The following ZNF865 variants were observed in gnomAD, a reference collection of about 807,000 sequenced individuals.
The protein encoded by ZNF865 is zinc finger protein 865.
For synonymous variants in ZNF865, 763 were observed against 750.8 expected, an observed-to-expected ratio of 1.02 and a Z score of -0.27; for missense variants, 1,311 against 1,593.4, an observed-to-expected ratio of 0.82 and a Z score of 3.02.
In ZNF865 at chr19:55,613,714, C is replaced by G; in HGVS notation, c.96C>G (p.Asp32Glu). 1 of 1,534,716 alleles carries G rather than the reference C, an allele frequency of 6.5e-7. No homozygotes were observed. Among genetic ancestry groups the G allele is most frequent in the Non-Finnish European group, 8.7e-7 (1 of 1,146,262 alleles). ...DGVHFQSYPFDFLEFLNHQRF... is the reference protein window; with the variant it reads ...DGVHFQSYPFEFLEFLNHQRF... Reference sequence around the variant, plus strand: ...TGCACTTCCAGAGCTACCCCTTCGACTTCCTGGAATTCCTCAACCACCAGC... The same window carrying G: ...TGCACTTCCAGAGCTACCCCTTCGAGTTCCTGGAATTCCTCAACCACCAGC... Residue 32 changes from aspartate (D) to glutamate (E), a missense_variant, in exon 2 of 2, where the codon GAC (aspartate) becomes GAG (glutamate). Asp to Glu is a conservative substitution (Grantham distance 45). Coordinates refer to ENST00000568956, the MANE Select transcript of ZNF865 (RefSeq NM_001195605.2).
At position 55,615,007 on chromosome 19, in the gene ZNF865, C is replaced by A; in HGVS notation, c.1389C>A (p.His463Gln). Residue 463 changes from histidine (H) to glutamine (Q), a missense_variant, in exon 2 of 2, where the codon CAC (histidine) becomes CAA (glutamine). Transcript: ENST00000568956. Reference sequence around the variant, plus strand: ...GCCTGCTCCGCCACAAGGCCGCCCACGCCCCGCCCGCTGCCGCTGCGGAGG... The same window carrying A: ...GCCTGCTCCGCCACAAGGCCGCCCAAGCCCCGCCCGCTGCCGCTGCGGAGG... Reference protein sequence around the residue: ...PQSLLRHKAAHAPPAAAAEAP... With the variant: ...PQSLLRHKAAQAPPAAAAEAP... 7.3e-7 allele frequency: 1 copy of A among 1,363,186 alleles called. No individual in the cohort carries two copies. Among genetic ancestry groups the A allele is most frequent in the Non-Finnish European group, 9.4e-7 (1 of 1,063,930 alleles). 84.4% of individuals were successfully genotyped at this position (1,363,186 alleles called of 1,614,324 possible). A position where few individuals can be genotyped will look rare whatever the true frequency, so the allele number is the denominator to read the frequency against.
At chr19:55,605,924 C>T (rs977427642) in intron 1 of ZNF865, among the ~76,000 whole-genome samples, 192 bp downstream of exon 1, 3 of 152,132 alleles carry the variant, frequency 2.0e-5, no homozygotes, top group African/African-American at 7.2e-5. Flanking sequence ...CCATGAACGC[C>T]CCCAGCTAGG....
At position 55,615,598 on chromosome 19, in the gene ZNF865, T is replaced by A. The variant is rs1348846558; in HGVS notation, c.1980T>A (p.Ser660=). 2 of 1,532,922 alleles carry A rather than the reference T, an allele frequency of 1.3e-6. No homozygotes were observed. Among genetic ancestry groups the A allele is most frequent in the Non-Finnish European group, 1.7e-6 (2 of 1,145,720 alleles). 95.0% of individuals were successfully genotyped at this position (1,532,922 alleles called of 1,614,324 possible). A position where few individuals can be genotyped will look rare whatever the true frequency, so the allele number is the denominator to read the frequency against. ...GACGPGASGT[S]AGPTDGLSYA... is the part of the protein sequence containing the mutation. ...GTGGGCCCGGGGCCTCGGGCACGTC[T>A]GCAGGGCCCACCGATGGGCTGAGCT... The change falls in exon 2 of 2, where the codon TCT becomes TCA. Residue 660 remains serine, a synonymous_variant. Coordinates refer to ENST00000568956, the MANE Select transcript of ZNF865 (RefSeq NM_001195605.2).
At position 55,613,947 on chromosome 19, in the gene ZNF865, C is replaced by T. The variant is rs1245105375; in HGVS notation, c.329C>T (p.Ser110Leu). 1.3e-6 allele frequency: 2 copies of T among 1,533,004 alleles called. No homozygotes were observed. Among genetic ancestry groups the T allele is most frequent in the Non-Finnish European group, 1.7e-6 (2 of 1,145,290 alleles). 95.0% of individuals were successfully genotyped at this position (1,533,004 alleles called of 1,614,324 possible). Reference sequence around the variant, plus strand: ...TCCTCCTCTTCGTCCTCCTCGTCGTCATCTTCGTCCTCTTCCTCTTCCCAA... The same window carrying T: ...TCCTCCTCTTCGTCCTCCTCGTCGTTATCTTCGTCCTCTTCCTCTTCCCAA... Reference protein sequence around the residue: ...SSSSSSSSSSSSSSSSSSQAK... With the variant: ...SSSSSSSSSSLSSSSSSSQAK... Residue 110 changes from serine to leucine, a missense_variant, in exon 2 of 2, where the codon TCA becomes TTA. By Grantham distance (145) the Ser-to-Leu change is moderately radical. Transcript: ENST00000568956.
Position 55,615,100 on chromosome 19 carries a change from GC to G in ZNF865, c.1488del (p.Asp497ThrfsTer69), listed in dbSNP as rs1292571740. The G allele has an allele frequency of 1.7e-6, 2 of 1,155,264 alleles. No individual in the cohort carries two copies. The highest frequency in any genetic ancestry group is 3.1e-5 in the South Asian group (1 of 32,744). The allele number at this position is 1,155,264 out of a possible 1,614,324, so 71.6% of individuals were successfully genotyped here. A position where few individuals can be genotyped will look rare whatever the true frequency, so the allele number is the denominator to read the frequency against. On this transcript the variant is annotated frameshift_variant, in exon 2 of 2. Coordinates refer to ENST00000568956, the MANE Select transcript of ZNF865 (RefSeq NM_001195605.2). LOFTEE classifies it low-confidence loss of function (END_TRUNC). ...CCTTCCCCCCGGGCCCGTACCTCCT[GC>G]CCCCCGACCCTCCCACCACAGACAG... ...PTFPPGPYLL[P>X]PDPPTTDSEK...
intron 1 of ZNF865, among the ~76,000 whole-genome samples, chr19:55,606,676 A>G (rs1980955865): frequency 6.6e-6 from 1 of 152,188 alleles, no homozygotes; most frequent in South Asian, 2.1e-4. Context: ...AAGACCCTGG[A>G]CTTCACTAGG....
rs1486989137 is a variant in ZNF865, at chr19:55,613,625, G to A, written c.7G>A (p.Ala3Thr). The change falls in exon 2 of 2, where the codon GCG becomes ACG. Residue 3 changes from alanine (A) to threonine (T), a missense_variant. Ala to Thr is a moderately conservative substitution (Grantham distance 58, BLOSUM62 0). Coordinates refer to ENST00000568956, the MANE Select transcript of ZNF865 (RefSeq NM_001195605.2). ME[A>T]NPAGSGAGGG... ...CGTCTCCCACCCGCCGGAGATGGAGGCGAACCCAGCGGGCAGCGGCGCCGG... is the reference window on the plus strand; with the variant it reads ...CGTCTCCCACCCGCCGGAGATGGAGACGAACCCAGCGGGCAGCGGCGCCGG... 1 of 1,517,676 alleles carries A rather than the reference G, an allele frequency of 6.6e-7. No individual in the cohort carries two copies. The highest frequency in any genetic ancestry group is 8.8e-7 in the Non-Finnish European group (1 of 1,137,606). The allele number at this position is 1,517,676 out of a possible 1,614,324, so 94.0% of individuals were successfully genotyped here.
intron 1 of ZNF865, among the ~76,000 whole-genome samples, chr19:55,605,968 C>A (rs954797834): frequency 1.3e-5 from 2 of 152,112 alleles, no homozygotes; most frequent in Non-Finnish European, 2.9e-5. Context: ...CGTGGCGATC[C>A]CCTAAACGGC....
Position 55,615,298 on chromosome 19 carries a change from G to A in ZNF865, c.1680G>A (p.Gly560=). 1 of 1,527,100 alleles carries A rather than the reference G, an allele frequency of 6.5e-7. No homozygotes were observed. The highest frequency in any genetic ancestry group is 2.5e-5 in the East Asian group (1 of 39,986). The allele number at this position is 1,527,100 out of a possible 1,614,324, so 94.6% of individuals were successfully genotyped here. A position where few individuals can be genotyped will look rare whatever the true frequency, so the allele number is the denominator to read the frequency against. The change falls in exon 2 of 2, where the codon GGG becomes GGA. Residue 560 remains glycine (G), a synonymous_variant. Transcript: ENST00000568956. ...FCCGICGRGF[G]RRETLKRHER... ...GCGGCATCTGCGGGCGCGGCTTCGG[G>A]CGCCGCGAGACCCTGAAGCGCCATG... is the stretch of plus-strand genomic sequence containing the variant.
At position 55,616,289 on chromosome 19, in the gene ZNF865, C is replaced by T; in HGVS notation, c.2671C>T (p.Leu891=). 1.3e-6 allele frequency: 2 copies of T among 1,519,186 alleles called. No homozygotes were observed. Among genetic ancestry groups the T allele is most frequent in the Non-Finnish European group, 1.8e-6 (2 of 1,137,816 alleles). The allele number at this position is 1,519,186 out of a possible 1,614,324, so 94.1% of individuals were successfully genotyped here. ...CGRGFLRSWY[L]RQHRVVHTGE... Reference sequence around the variant, plus strand: ...CCGAGGCTTCCTGCGCTCCTGGTACCTGCGGCAGCACCGCGTGGTGCACAC... The same window carrying T: ...CCGAGGCTTCCTGCGCTCCTGGTACTTGCGGCAGCACCGCGTGGTGCACAC... Residue 891 remains leucine, a synonymous_variant, in exon 2 of 2, where the codon CTG becomes TTG. Coordinates refer to ENST00000568956, the MANE Select transcript of ZNF865 (RefSeq NM_001195605.2).
At position 55,615,608 on chromosome 19, in the gene ZNF865, A is replaced by G. The variant is rs1459520179; in HGVS notation, c.1990A>G (p.Thr664Ala). 6.5e-7 allele frequency: 1 copy of G among 1,533,350 alleles called. No individual in the cohort carries two copies. The highest frequency in any genetic ancestry group is 1.7e-4 in the Middle Eastern group (1 of 5,976). The allele number at this position is 1,533,350 out of a possible 1,614,324, so 95.0% of individuals were successfully genotyped here. A position where few individuals can be genotyped will look rare whatever the true frequency, so the allele number is the denominator to read the frequency against. Residue 664 changes from threonine (T) to alanine (A), a missense_variant, in exon 2 of 2, where the codon ACC becomes GCC. Physicochemically the swap from Thr to Ala is moderately conservative, Grantham distance 58. Transcript: ENST00000568956. Reference protein sequence around the residue: ...PGASGTSAGPTDGLSYACSDC... With the variant: ...PGASGTSAGPADGLSYACSDC... ...GGCCTCGGGCACGTCTGCAGGGCCC[A>G]CCGATGGGCTGAGCTACGCCTGCTC...
intron 1 of ZNF865, among the ~76,000 whole-genome samples, chr19:55,606,509 C>G (rs1188250054): frequency 6.6e-6 from 1 of 152,240 alleles, no homozygotes; most frequent in Non-Finnish European, 1.5e-5. Flanking sequence ...GTCAGCCCGT[C>G]TTCATTACTT....
chr19:55,612,385 A>G (rs994676924), intron 1 of ZNF865: 4 of 152,178 alleles, frequency 2.6e-5, no homozygotes, highest in South Asian at 2.1e-4. Context: ...TCTACTGTCT[A>G]TTAATATTAA....
In ZNF865 at chr19:55,614,140, G is replaced by A. The variant is rs1294782305; in HGVS notation, c.522G>A (p.Thr174=). Residue 174 remains threonine, a synonymous_variant, in exon 2 of 2, where the codon ACG becomes ACA. Transcript: ENST00000568956. The surrounding 1 kb of genome is among the most constrained non-coding windows in gnomAD (Gnocchi z 8.0). ...GGCCCGCGTCCGGGCCGGGGGTGAC[G>A]CCTGGGCTGGGCGCTCCCGCGGGGG... ...RGGPASGPGV[T]PGLGAPAGAP... is the part of the protein sequence containing the mutation. 8.3e-6 allele frequency: 12 copies of A among 1,438,440 alleles called. No individual in the cohort carries two copies. In the East Asian group the frequency reaches 2.9e-4, roughly 35 times the overall value. The allele number at this position is 1,438,440 out of a possible 1,614,324, so 89.1% of individuals were successfully genotyped here. A position where few individuals can be genotyped will look rare whatever the true frequency, so the allele number is the denominator to read the frequency against.
Position 55,613,894 on chromosome 19 carries a change from CTCCTCG to C in ZNF865, c.294_299del (p.Ser116_Ser117del), listed in dbSNP as rs762894169. ...CCTTCAAGCCCAAGGCGGAGGTGCC[CTCCTCG>C]TCCTCGTCCTCGTCCTCCTCCTCCT... On this transcript the variant is annotated inframe_deletion, in exon 2 of 2. Transcript: ENST00000568956. The C allele has an allele frequency of 1.4e-3, 2,064 of 1,515,172 alleles. 4 individuals carry two copies. Among genetic ancestry groups the C allele is most frequent in the East Asian group, 2.3e-3 (91 of 40,394 alleles). 93.9% of individuals were successfully genotyped at this position (1,515,172 alleles called of 1,614,324 possible). A position where few individuals can be genotyped will look rare whatever the true frequency, so the allele number is the denominator to read the frequency against.
Position 55,615,594 on chromosome 19 carries a change from C to G in ZNF865, c.1976C>G (p.Thr659Arg). Residue 659 changes from threonine to arginine, a missense_variant, in exon 2 of 2, where the codon ACG (threonine) becomes AGG (arginine). Transcript: ENST00000568956. ...PGACGPGASG[T>R]SAGPTDGLSY... ...GCCTGTGGGCCCGGGGCCTCGGGCACGTCTGCAGGGCCCACCGATGGGCTG... is the reference window on the plus strand; with the variant it reads ...GCCTGTGGGCCCGGGGCCTCGGGCAGGTCTGCAGGGCCCACCGATGGGCTG... 1 of 1,532,472 alleles carries G rather than the reference C, an allele frequency of 6.5e-7. No individual in the cohort carries two copies. Among genetic ancestry groups the G allele is most frequent in the Non-Finnish European group, 8.7e-7 (1 of 1,145,444 alleles). The allele number at this position is 1,532,472 out of a possible 1,614,324, so 94.9% of individuals were successfully genotyped here. A position where few individuals can be genotyped will look rare whatever the true frequency, so the allele number is the denominator to read the frequency against.
chr19:55,614,609 G>A lies in ZNF865; in HGVS notation c.991G>A (p.Ala331Thr), dbSNP rs776007715. The A allele has an allele frequency of 1.8e-5, 27 of 1,524,922 alleles. No individual in the cohort carries two copies. The highest frequency in any genetic ancestry group is 1.5e-4 in the East Asian group (6 of 40,138). The allele number at this position is 1,524,922 out of a possible 1,614,324, so 94.5% of individuals were successfully genotyped here. The change falls in exon 2 of 2, where the codon GCC becomes ACC. Residue 331 changes from alanine to threonine, a missense_variant. Coordinates refer to ENST00000568956, the MANE Select transcript of ZNF865 (RefSeq NM_001195605.2). This position sits in a 1 kb window ranked among gnomAD's most constrained non-coding sequence, Gnocchi z 8.0. ...GCCTGCCCCCTCCGCAGACGGGAGC[G>A]CCGCCCCTGCTGGTGTTGGGGTGCC... ...VAPAPSADGS[A>T]APAGVGVPPP...
chr19:55,616,603 C>T lies in ZNF865; in HGVS notation c.2985C>T (p.Leu995=). Residue 995 remains leucine, a synonymous_variant, in exon 2 of 2, where the codon CTC becomes CTT. Coordinates refer to ENST00000568956, the MANE Select transcript of ZNF865 (RefSeq NM_001195605.2). The stretch of plus-strand genomic sequence containing the variant: ...CCGAGCTCCGCTGCCCCGCCTGCCT[C>T]AAGGCCTTCAAGGATCCCGGCTACT... The part of the protein sequence containing the change: ...PRPELRCPAC[L]KAFKDPGYFR... 1.3e-6 allele frequency: 2 copies of T among 1,525,652 alleles called. No individual in the cohort carries two copies. The highest frequency in any genetic ancestry group is 1.8e-6 in the Non-Finnish European group (2 of 1,141,734). 94.5% of individuals were successfully genotyped at this position (1,525,652 alleles called of 1,614,324 possible).
Position 55,615,983 on chromosome 19 carries a change from C to G in ZNF865, c.2365C>G (p.Pro789Ala), listed in dbSNP as rs2123594040. The G allele has an allele frequency of 6.6e-7, 1 of 1,520,558 alleles. No individual in the cohort carries two copies. Among genetic ancestry groups the G allele is most frequent in the East Asian group, 2.5e-5 (1 of 39,938 alleles). 94.2% of individuals were successfully genotyped at this position (1,520,558 alleles called of 1,614,324 possible). Residue 789 changes from proline (P) to alanine (A), a missense_variant, in exon 2 of 2, where the codon CCC (proline) becomes GCC (alanine). Transcript: ENST00000568956. The stretch of plus-strand genomic sequence containing the variant: ...TGCTGGCGGGGGTGCCAGTTCCGGC[C>G]CCGAGCGCTTCAGCTGTGCCACGTG... The part of the protein sequence containing the change: ...AGAGGGASSG[P>A]ERFSCATCGQ...
Sources: allele counts gnomAD v4.1 joint callset (sites outside exome capture counted in the v4.1 genomes callset), GRCh38; gene constraint gnomAD v4.1.1; non-coding constraint Gnocchi (gnomAD v3.1); transcripts MANE v1.5; gene names NCBI Gene and HGNC (gene_info 2026-07-23, HGNC 2026-07-21).